Variants in GPAM observed in about 807,000 individuals in gnomAD.
GPAM encodes glycerol-3-phosphate acyltransferase, mitochondrial, also known as glycerol-3-phosphate acyltransferase 1, mitochondrial.
GPAM carries 56 observed loss-of-function variants against 105.0 expected under a neutral mutation model. The observed-to-expected ratio is 0.53, with a 90% confidence interval of 0.43 to 0.67. The LOEUF is 0.67. Ranked by LOEUF, GPAM falls within the 30% of genes least tolerant of loss-of-function variation. The probability of loss-of-function intolerance (pLI) is 0.00; values close to 1 mark genes in which losing one functional copy is unlikely to be tolerated. For missense variants in GPAM, 855 were observed against 989.8 expected, an observed-to-expected ratio of 0.86 and a Z score of 1.83; for synonymous variants, 368 against 354.4, an observed-to-expected ratio of 1.04 and a Z score of -0.43.
chr10:112,154,666 A>G lies in GPAM; in HGVS notation c.2333T>C (p.Leu778Pro). 1 of 1,609,418 alleles carries G rather than the reference A, an allele frequency of 6.2e-7. No individual in the cohort carries two copies. The highest frequency in any genetic ancestry group is 1.1e-5 in the South Asian group (1 of 90,988). Residue 778 changes from leucine to proline, a missense_variant, in exon 21 of 22, where the codon CTT becomes CCT. By Grantham distance (98) the Leu-to-Pro change is moderately conservative (BLOSUM62 -3). Coordinates refer to ENST00000348367, the MANE Select transcript of GPAM (RefSeq NM_001244949.2). ...AAACATTTTCACAGCATTCTTCACAAGACAATATGTGGCACTCTCAGCTGA... is the reference window on the plus strand; with the variant it reads ...AAACATTTTCACAGCATTCTTCACAGGACAATATGTGGCACTCTCAGCTGA... ...AVYAESATYC[L>P]VKNAVKMFKD...
At chr10:112,192,315 T>C (rs1304340556) in intron 1 of GPAM, among the ~76,000 whole-genome samples, 3 of 152,222 alleles carry the variant, frequency 2.0e-5, no homozygotes, top group Non-Finnish European at 4.4e-5. Flanking sequence ...GTGGAATTCA[T>C]GGTCTAATGG....
upstream of GPAM, among the ~76,000 whole-genome samples, chr10:112,186,883 C>T (rs1167997234): frequency 1.3e-5 from 2 of 152,086 alleles, no homozygotes; most frequent in Non-Finnish European, 2.9e-5. Context: ...TTGCTTAATG[C>T]ACAAACAAAA....
In GPAM at chr10:112,172,325, A is replaced by C; in HGVS notation, c.658-7T>G. ...ACAGAAGCGGCAAATTCGTCTAGCAAAGGGAAAAATGCCAAATTTAAAACT... is the reference window on the plus strand; with the variant it reads ...ACAGAAGCGGCAAATTCGTCTAGCACAGGGAAAAATGCCAAATTTAAAACT... On this transcript the variant is annotated splice_polypyrimidine_tract_variant and splice_region_variant and intron_variant, in intron 8 of 21. Transcript: ENST00000348367. 1 of 1,612,390 alleles carries C rather than the reference A, an allele frequency of 6.2e-7. No individual in the cohort carries two copies. Among genetic ancestry groups the C allele is most frequent in the South Asian group, 1.1e-5 (1 of 91,020 alleles).
chr10:112,170,828 C>T (rs951118379), intron 9 of GPAM, among the ~76,000 whole-genome samples: 2 of 152,188 alleles, frequency 1.3e-5, no homozygotes, highest in African/African-American at 4.8e-5. Flanking sequence ...TCTCTCTTGT[C>T]TAAAGCACAG....
In GPAM at chr10:112,206,833, TA is replaced by T. The variant is rs57906877; in HGVS notation, n.210+8334del. 2.9e-3 allele frequency among the ~76,000 whole-genome samples: 407 copies of T among 140,020 alleles called. 1 individual carries two copies. Among genetic ancestry groups the T allele is most frequent in the Middle Eastern group, 7.4e-3 (2 of 272 alleles). 91.9% of individuals were successfully genotyped at this position (140,020 alleles called of 152,430 possible). On this transcript the variant is annotated intron_variant and non_coding_transcript_variant, in intron 1 of 3. Transcript: ENST00000480130. ...TTAAAGTATAATAAAAAAAAAAATT[TA>T]AAAAAAAAAAAAAAGAATCAAAACA...
chr10:112,175,945 G>A (rs1055854968), intron 5 of GPAM, among the ~76,000 whole-genome samples: 1 of 152,164 alleles, frequency 6.6e-6, no homozygotes, highest in African/African-American at 2.4e-5. Context: ...TGTTTGAATA[G>A]TGTTACTGTG....
At chr10:112,169,025 A>G in intron 9 of GPAM, 73 bp from the exon 10 acceptor site, 1 of 1,026,006 alleles carries the variant, frequency 9.7e-7, no homozygotes. Context: ...AAGTTAATTG[A>G]AAACATTTGC....
At chr10:112,164,663 T>C in intron 12 of GPAM, 53 bp from the exon 13 acceptor site, 1 of 928,206 alleles carries the variant, frequency 1.1e-6, no homozygotes, top group Non-Finnish European at 1.8e-6. Context: ...CACCAACATA[T>C]AAAATGTAAT....
chr10:112,159,963 C>T lies in GPAM; in HGVS notation c.1850G>A (p.Arg617Gln), dbSNP rs556698222. 5.3e-5 allele frequency: 85 copies of T among 1,613,840 alleles called. No homozygotes were observed. The highest frequency in any genetic ancestry group is 4.0e-4 in the Admixed American group (24 of 59,996). The part of the protein sequence containing the change: ...PNLISQEQLV[R>Q]KAASLCYLLS... ...AAGGTAGCACAGGCTGGCCGCCTTC[C>T]GCACCAGCTGCTCCTGGCTGATCAG... Residue 617 changes from arginine to glutamine, a missense_variant, in exon 17 of 22, where the codon CGG (arginine) becomes CAG (glutamine). Transcript: ENST00000348367.
rs969761623 is a variant in GPAM, at chr10:112,179,328, ATTGTT to A, written c.225+1140_225+1144del. The stretch of plus-strand genomic sequence containing the variant: ...TCTGACTTAAGAACACATTGTAGTT[ATTGTT>A]TTAAGTATTCAAAATTAGAATTAGA... On this transcript the variant is annotated intron_variant, in intron 4 of 21. Transcript: ENST00000348367. Among the ~76,000 whole-genome samples the A allele has an allele frequency of 7.9e-5, 12 of 152,190 alleles. No individual in the cohort carries two copies. The East Asian group carries it at 1.7e-3, about 22-fold the overall frequency.
chr10:112,203,018 G>A (rs991140513), intron 1 of GPAM, among the ~76,000 whole-genome samples: 10 of 152,288 alleles, frequency 6.6e-5, no homozygotes, highest in African/African-American at 2.2e-4. Flanking sequence ...GACAAAGGAG[G>A]TAGTTTCAGT....
Position 112,168,949 on chromosome 10 carries a change from G to A in GPAM, c.798C>T (p.Thr266=). ...AGAAGCCCCCAAGCTTATGGATCAA[G>A]GTACTATAAATTCAGAATACATGAA... ...GNNLNIPIFS[T]LIHKLGGFFI... The change falls in exon 10 of 22, where the codon ACC becomes ACT. Residue 266 remains threonine (T), a synonymous_variant. Transcript: ENST00000348367. The A allele has an allele frequency of 6.4e-7, 1 of 1,572,712 alleles. No individual in the cohort carries two copies. The highest frequency in any genetic ancestry group is 8.8e-7 in the Non-Finnish European group (1 of 1,142,542).
chr10:112,218,679 T>C (rs900858792), upstream of GPAM, among the ~76,000 whole-genome samples: 1 of 152,198 alleles, frequency 6.6e-6, no homozygotes, highest in Non-Finnish European at 1.5e-5. Flanking sequence ...AATATACTTA[T>C]GGTTACTCCT....
chr10:112,172,200 A>G lies in GPAM; in HGVS notation c.776T>C (p.Leu259Pro). The G allele has an allele frequency of 6.2e-7, 1 of 1,608,736 alleles. No individual in the cohort carries two copies. Among genetic ancestry groups the G allele is most frequent in the Non-Finnish European group, 8.5e-7 (1 of 1,175,166 alleles). Residue 259 changes from leucine to proline, a missense_variant, in exon 9 of 22, where the codon CTC becomes CCC. Transcript: ENST00000348367. Reference protein sequence around the residue: ...KAPYIASGNNLNIPIFSTLIH... With the variant: ...KAPYIASGNNPNIPIFSTLIH... ...ATCTTACCTGAAGATTGGGATGTTGAGATTATTGCCTGAAGCAATGTATGG... is the reference window on the plus strand; with the variant it reads ...ATCTTACCTGAAGATTGGGATGTTGGGATTATTGCCTGAAGCAATGTATGG...
At chr10:112,192,389 AT>A in intron 1 of GPAM, among the ~76,000 whole-genome samples, 1 of 152,296 alleles carries the variant, frequency 6.6e-6, no homozygotes, top group Non-Finnish European at 1.5e-5. Context: ...TCACAATGAA[AT>A]TTTTTTAAGT....
intron 18 of GPAM, among the ~76,000 whole-genome samples, chr10:112,157,919 A>G (rs1173823797): frequency 1.3e-5 from 2 of 152,182 alleles, no homozygotes; most frequent in African/African-American, 4.8e-5. Flanking sequence ...GAACATGACT[A>G]TATACCAAAT....
intron 2 of GPAM, among the ~76,000 whole-genome samples, chr10:112,182,091 A>G (rs963200493): frequency 2.0e-5 from 3 of 152,220 alleles, no homozygotes; most frequent in Non-Finnish European, 4.4e-5. Flanking sequence ...TCCACACAAA[A>G]TAGCTATGAA....
At chr10:112,196,553 AC>A (rs1300526589) in intron 1 of GPAM, among the ~76,000 whole-genome samples, 2 of 152,204 alleles carry the variant, frequency 1.3e-5, no homozygotes, top group Non-Finnish European at 2.9e-5. Flanking sequence ...AGTGTTATGA[AC>A]CTAGTTTCCA....
intron 9 of GPAM, among the ~76,000 whole-genome samples, chr10:112,170,377 T>C (rs1454539505): frequency 1.3e-5 from 2 of 152,224 alleles, no homozygotes; most frequent in African/African-American, 4.8e-5. Context: ...AAAAACAGGC[T>C]GGGCTAACTA....
Sources: allele counts gnomAD v4.1 joint callset (sites outside exome capture counted in the v4.1 genomes callset), GRCh38; gene constraint gnomAD v4.1.1; transcripts MANE v1.5; gene names NCBI Gene and HGNC (gene_info 2026-07-23, HGNC 2026-07-21).